The following LIMCH1 variants were observed in gnomAD, a reference collection of about 807,000 sequenced individuals.
LIMCH1 encodes the protein LIM and calponin homology domains 1.
A neutral mutation model predicts 176.5 loss-of-function variants in LIMCH1; 113 were observed. The observed-to-expected ratio is 0.64, with a 90% CI of 0.55 to 0.75. The LOEUF (loss-of-function observed/expected upper bound fraction) is 0.75. Ranked by LOEUF, LIMCH1 falls within the 30% of genes least tolerant of loss-of-function variation. LIMCH1 has a pLI of 0.00. For missense variants in LIMCH1, 1,674 were observed against 1,814.9 expected, an observed-to-expected ratio of 0.92 and a Z score of 1.41; for synonymous variants, 619 against 645.9, an observed-to-expected ratio of 0.96 and a Z score of 0.63.
chr4:41,432,974 C>T (rs1196652024), intron 1 of LIMCH1, among the ~76,000 whole-genome samples: 6 of 152,190 alleles, frequency 3.9e-5, no homozygotes, highest in Non-Finnish European at 7.3e-5. Context: ...ACTTAACAAT[C>T]GGCATTATGT....
At chr4:41,361,034 C>A in intron 1 of LIMCH1, 2 of 749,468 alleles carry the variant, frequency 2.7e-6, no homozygotes, top group Non-Finnish European at 4.1e-6. Flanking sequence ...TCCCCCCAAC[C>A]GCCCCCACTT....
rs146773214 is a variant in LIMCH1, at chr4:41,541,104, C to T, written c.-241+2754C>T. 9.7e-3 allele frequency among the ~76,000 whole-genome samples: 1,472 copies of T among 152,112 alleles called. 17 individuals are homozygous for T. The highest frequency in any genetic ancestry group is 0.029 in the African/African-American group (1,222 of 41,482). ...ATAAAGGCAGTGAAAGAAATGTAGA[C>T]GTGGGCATTGGATTGAACCATGAAA... On this transcript the variant is annotated intron_variant, in intron 1 of 31. Transcript: ENST00000503057.
At chr4:41,656,462 C>T (rs1480967495) in intron 18 of LIMCH1, among the ~76,000 whole-genome samples, 1 of 152,060 alleles carries the variant, frequency 6.6e-6, no homozygotes, top group Non-Finnish European at 1.5e-5. Context: ...AGAAAGCATA[C>T]ATCAGGGAAA....
At chr4:41,396,544 G>A (rs2057819683) in intron 1 of LIMCH1, among the ~76,000 whole-genome samples, 1 of 147,102 alleles carries the variant, frequency 6.8e-6, no homozygotes, top group Non-Finnish European at 1.5e-5. Context: ...GTTTTCTTTT[G>A]TTTGTTTGTT....
chr4:41,686,754 T>C (rs979033330), intron 28 of LIMCH1, among the ~76,000 whole-genome samples: 1 of 152,242 alleles, frequency 6.6e-6, no homozygotes, highest in African/African-American at 2.4e-5. Context: ...GATAACTTGT[T>C]TTGTAAGAGA....
At chr4:41,685,886 T>C in intron 28 of LIMCH1, 56 bp downstream of exon 28, 1 of 1,579,854 alleles carries the variant, frequency 6.3e-7, no homozygotes, top group South Asian at 1.2e-5. Context: ...TTCATTTAGT[T>C]AGAAGGGAGA....
At chr4:41,547,279 T>C (rs1484534492) in intron 1 of LIMCH1, among the ~76,000 whole-genome samples, 2 of 152,178 alleles carry the variant, frequency 1.3e-5, no homozygotes, top group Admixed American at 1.3e-4. Context: ...GAATTTCGTG[T>C]GCTTTGACTA....
chr4:41,643,129 A>G (rs1466499379), intron 14 of LIMCH1, among the ~76,000 whole-genome samples: 4 of 152,122 alleles, frequency 2.6e-5, no homozygotes, highest in African/African-American at 9.7e-5. Flanking sequence ...ACATTTATAC[A>G]CATTCCTTTT....
intron 1 of LIMCH1, among the ~76,000 whole-genome samples, chr4:41,405,068 T>C (rs1190103131): frequency 6.6e-6 from 1 of 152,190 alleles, no homozygotes; most frequent in Non-Finnish European, 1.5e-5. Context: ...GCATGTTTAT[T>C]TTGAATCTGT....
chr4:41,685,941 G>C, intron 28 of LIMCH1, 111 bp downstream of exon 28: 1 of 1,163,718 alleles, frequency 8.6e-7, no homozygotes, highest in Admixed American at 2.8e-5. Flanking sequence ...GCATTTTTGT[G>C]CTTTCTCTCC....
intron 8 of LIMCH1, 108 bp from the exon 9 acceptor site, chr4:41,629,384 T>G (rs948499442): frequency 2.3e-6 from 3 of 1,278,330 alleles, no homozygotes; most frequent in Admixed American, 2.7e-5. Context: ...TCCATCATTT[T>G]GTTCTGTCCT....
chr4:41,377,927 C>T (rs530443282), intron 1 of LIMCH1, among the ~76,000 whole-genome samples: 19 of 152,334 alleles, frequency 1.2e-4, no homozygotes, highest in African/African-American at 4.6e-4. Flanking sequence ...GACCAAATCA[C>T]CTCCCAAAGG....
rs1324631900 is a variant in LIMCH1, at chr4:41,627,029, T to C, written c.1028+19T>C. 1 of 1,476,352 alleles carries C rather than the reference T, an allele frequency of 6.8e-7. No homozygotes were observed. Among genetic ancestry groups the C allele is most frequent in the Non-Finnish European group, 9.0e-7 (1 of 1,110,940 alleles). 91.5% of individuals were successfully genotyped at this position (1,476,352 alleles called of 1,614,324 possible). On this transcript the variant is annotated intron_variant, in intron 8 of 31. Coordinates refer to ENST00000503057, the MANE Select transcript of LIMCH1 (RefSeq NM_001330672.2). ...ATAAAAGGTGTGCATGGTGTGTGTGTGTGTGTGTGTGTGTGTGTGTGTGTC... is the reference window on the plus strand; with the variant it reads ...ATAAAAGGTGTGCATGGTGTGTGTGCGTGTGTGTGTGTGTGTGTGTGTGTC...
At chr4:41,681,493 A>G (rs2153046267) in intron 25 of LIMCH1, among the ~76,000 whole-genome samples, 1 of 152,180 alleles carries the variant, frequency 6.6e-6, no homozygotes, top group African/African-American at 2.4e-5. Flanking sequence ...CATGTTCTCC[A>G]CCAGCATCCA....
intron 1 of LIMCH1, among the ~76,000 whole-genome samples, chr4:41,467,119 G>T (rs2066234506): frequency 6.7e-6 from 1 of 148,314 alleles, no homozygotes; most frequent in African/African-American, 2.5e-5. Context: ...CTTTTTAAAA[G>T]CTGAGTAATA....
chr4:41,423,691 G>A (rs991644221), intron 1 of LIMCH1, among the ~76,000 whole-genome samples: 1 of 146,960 alleles, frequency 6.8e-6, no homozygotes, highest in Non-Finnish European at 1.5e-5. Context: ...CATTCTATAT[G>A]TTCAAAATAC....
chr4:41,637,352 C>A (rs2152896345), intron 13 of LIMCH1, among the ~76,000 whole-genome samples: 1 of 152,290 alleles, frequency 6.6e-6, no homozygotes, highest in East Asian at 1.9e-4. Flanking sequence ...CCATGCCCAG[C>A]TAATTTTTTA....
intron 5 of LIMCH1, among the ~76,000 whole-genome samples, chr4:41,616,614 G>C (rs994073281): frequency 2.0e-5 from 3 of 152,060 alleles, no homozygotes; most frequent in Non-Finnish European, 4.4e-5. Context: ...CATAAATGGA[G>C]AAGCCACCTT....
chr4:41,510,657 C>T (rs1373734855), intron 2 of LIMCH1, among the ~76,000 whole-genome samples: 3 of 152,018 alleles, frequency 2.0e-5, no homozygotes, highest in South Asian at 4.1e-4. Flanking sequence ...GGCACGATCT[C>T]GGCTTGCTGC....
Sources: gnomAD v4.1 joint callset for allele counts (sites outside exome capture counted in the v4.1 genomes callset) on GRCh38, gnomAD v4.1.1 for gene constraint, MANE v1.5 for transcripts, NCBI Gene and HGNC (gene_info 2026-07-23, HGNC 2026-07-21) for gene names.